GRAMD2B: variants seen among roughly 807,000 people sequenced by gnomAD.
GRAMD2B encodes the protein GRAM domain-containing protein 2B.
A neutral mutation model predicts 59.2 loss-of-function variants in GRAMD2B; 41 were observed. The ratio of observed to expected loss-of-function variants is 0.69; its 90% CI spans 0.54 to 0.90. GRAMD2B has a LOEUF of 0.90. Ranked by LOEUF, GRAMD2B falls within the 40% of genes least tolerant of loss-of-function variation. The pLI, the probability that GRAMD2B is intolerant of heterozygous loss-of-function variation, is 0.00. For synonymous variants in GRAMD2B, 161 were observed against 182.7 expected (o/e 0.88, Z 0.96); for missense variants, 424 against 500.5 (o/e 0.85, Z 1.46).
At chr5:126,464,845 T>C (rs529725823) in intron 1 of GRAMD2B, among the ~76,000 whole-genome samples, 1 of 152,266 alleles carries the variant, frequency 6.6e-6, no homozygotes, top group South Asian at 2.1e-4. Flanking sequence ...GTAAGATAGA[T>C]GCTAGCTCTC....
Position 126,494,218 on chromosome 5 carries a change from ACT to A in GRAMD2B, c.*1265_*1266del, listed in dbSNP as rs1774373987. On this transcript the variant is annotated 3_prime_UTR_variant, in exon 14 of 14. Coordinates refer to ENST00000285689, the MANE Select transcript of GRAMD2B (RefSeq NM_023927.4). ...AACCAAGACTTAACTATGCTTTTTA[ACT>A]CTTTTTCCACCTGCCATCTACTACT... The A allele has an allele frequency of 2.0e-5, 3 of 152,236 alleles. No homozygotes were observed. The highest frequency in any genetic ancestry group is 2.0e-4 in the Admixed American group (3 of 15,226). 9.4% of individuals were successfully genotyped at this position (152,236 alleles called of 1,614,324 possible).
intron 1 of GRAMD2B, among the ~76,000 whole-genome samples, chr5:126,460,429 G>A (rs1365323962): frequency 1.3e-5 from 2 of 152,204 alleles, no homozygotes; most frequent in East Asian, 1.9e-4. Flanking sequence ...TATCAGAATT[G>A]TAAATGGAAG....
intron 1 of GRAMD2B, among the ~76,000 whole-genome samples, chr5:126,376,340 T>G (rs996543916): frequency 2.0e-5 from 3 of 152,226 alleles, no homozygotes; most frequent in Non-Finnish European, 4.4e-5. Context: ...CACTCCAGGC[T>G]GCAGTCAACG....
chr5:126,419,346 G>A (rs957746778), upstream of GRAMD2B, among the ~76,000 whole-genome samples: 5 of 152,046 alleles, frequency 3.3e-5, no homozygotes, highest in African/African-American at 4.8e-5. Context: ...GAGAGAGAGC[G>A]AAAAGGGGGA....
chr5:126,459,888 A>AT lies in GRAMD2B; in HGVS notation c.84-5532dup, dbSNP rs200157356. Among the ~76,000 whole-genome samples, 921 of 152,326 alleles carry AT rather than the reference A, an allele frequency of 6.0e-3. 12 individuals carry two copies. Among genetic ancestry groups the AT allele is most frequent in the African/African-American group, 0.021 (868 of 41,558 alleles). On this transcript the variant is annotated intron_variant, in intron 1 of 13. Coordinates refer to ENST00000285689, the MANE Select transcript of GRAMD2B (RefSeq NM_023927.4). ...AGGGCAATTTGGCAATAGCTGTAAC[A>AT]TTTTTTCTATCATACCTTTTGACAC...
rs371887670 is a variant in GRAMD2B at position 126,484,362 on chromosome 5, T to C, written c.848-40T>C. On this transcript the variant is annotated intron_variant, in intron 9 of 13. Transcript: ENST00000285689. ...GAGATTAATCCTGTTTTTAAATACA[T>C]TGGAGAGAACACTTACCCAGCTCTG... The C allele has an allele frequency of 1.0e-5, 16 of 1,599,882 alleles. 1 individual carries two copies. In the African/African-American group the frequency reaches 1.2e-4, roughly 12 times the overall value.
At chr5:126,375,255 T>C (rs1469973896) in intron 1 of GRAMD2B, among the ~76,000 whole-genome samples, 2 of 152,254 alleles carry the variant, frequency 1.3e-5, no homozygotes, top group Non-Finnish European at 2.9e-5. Flanking sequence ...TTCAACATCC[T>C]TGCTAAACTT....
intron 1 of GRAMD2B, among the ~76,000 whole-genome samples, chr5:126,411,800 C>T (rs148745554): frequency 2.1e-4 from 31 of 149,974 alleles, no homozygotes; most frequent in African/African-American, 7.7e-4. Context: ...TTATAGTTCT[C>T]CTTGTAGAGA....
chr5:126,441,860 G>A (rs1763353424), intron 1 of GRAMD2B, among the ~76,000 whole-genome samples: 1 of 152,010 alleles, frequency 6.6e-6, no homozygotes. Flanking sequence ...GAACCTACCT[G>A]ATAATTGTGA....
chr5:126,404,364 G>T (rs1758088765), intron 1 of GRAMD2B, among the ~76,000 whole-genome samples: 1 of 151,818 alleles, frequency 6.6e-6, no homozygotes. Flanking sequence ...CACATATTAG[G>T]ATTACTTGTT....
At chr5:126,395,229 A>C (rs1279766532) in intron 1 of GRAMD2B, among the ~76,000 whole-genome samples, 1 of 152,260 alleles carries the variant, frequency 6.6e-6, no homozygotes, top group Non-Finnish European at 1.5e-5. Context: ...CTCAGAATTA[A>C]ATTAATACAC....
At chr5:126,363,909 T>C (rs1277691416) in intron 1 of GRAMD2B, among the ~76,000 whole-genome samples, 1 of 152,170 alleles carries the variant, frequency 6.6e-6, no homozygotes, top group Non-Finnish European at 1.5e-5. Flanking sequence ...GTGGTGATGG[T>C]TGCACAATTC....
At chr5:126,479,557 C>T (rs879513964) in intron 6 of GRAMD2B, among the ~76,000 whole-genome samples, 3 of 152,150 alleles carry the variant, frequency 2.0e-5, no homozygotes, top group Non-Finnish European at 2.9e-5. Context: ...TAATGGATAA[C>T]TGTTATTAAG....
chr5:126,423,868 T>C (rs1390808537), intron 1 of GRAMD2B, among the ~76,000 whole-genome samples, 179 bp downstream of exon 1: 1 of 152,172 alleles, frequency 6.6e-6, no homozygotes, highest in Non-Finnish European at 1.5e-5. Flanking sequence ...GTTAAGGAGA[T>C]GGTTTAGATT....
chr5:126,491,423 G>A (rs1333673791), intron 13 of GRAMD2B, among the ~76,000 whole-genome samples: 4 of 152,144 alleles, frequency 2.6e-5, no homozygotes, highest in Non-Finnish European at 1.5e-5. Context: ...TTGGAGTCAG[G>A]CCTTTGTTCT....
At chr5:126,363,307 C>CAAAAAA (rs979068029) in intron 1 of GRAMD2B, among the ~76,000 whole-genome samples, 1 of 144,684 alleles carries the variant, frequency 6.9e-6, no homozygotes, top group Non-Finnish European at 1.5e-5. Flanking sequence ...ATATCAAAAA[C>CAAAAAA]AAAAAAAAAA....
intron 1 of GRAMD2B, among the ~76,000 whole-genome samples, chr5:126,383,065 C>G (rs2149707046): frequency 6.6e-6 from 1 of 152,344 alleles, no homozygotes. Flanking sequence ...GTCTCTCAGC[C>G]ATGGATACCA....
chr5:126,423,567 G>C lies in GRAMD2B; in HGVS notation c.-40G>C, dbSNP rs949812930. On this transcript the variant is annotated 5_prime_UTR_variant, in exon 1 of 14. Transcript: ENST00000285689. ...CCGGGACGAGCCGGGGCAGAGCCAG[G>C]CGCGCGGAAGTCTGAAGGTGCCCTC... is the stretch of plus-strand genomic sequence containing the variant. The C allele has an allele frequency of 5.0e-6, 8 of 1,597,268 alleles. No homozygotes were observed. The African/African-American group carries it at 1.1e-4, about 21-fold the overall frequency.
Position 126,492,949 on chromosome 5 carries a change from GTGA to G in GRAMD2B, c.1293_1295del (p.Asp432del). 1 of 1,611,922 alleles carries G rather than the reference GTGA, an allele frequency of 6.2e-7. No individual in the cohort carries two copies. The highest frequency in any genetic ancestry group is 1.1e-5 in the South Asian group (1 of 91,012). The stretch of plus-strand genomic sequence containing the variant: ...AACTTACAGAAGTTGCTTGAGAATG[GTGA>G]CTGATCGACCAGATTGCTTGGGCCA... On this transcript the variant is annotated inframe_deletion, in exon 14 of 14. Coordinates refer to ENST00000285689, the MANE Select transcript of GRAMD2B (RefSeq NM_023927.4).
Sources: gnomAD v4.1 joint callset for allele counts (sites outside exome capture counted in the v4.1 genomes callset) on GRCh38, gnomAD v4.1.1 for gene constraint, MANE v1.5 for transcripts, NCBI Gene and HGNC (gene_info 2026-07-23, HGNC 2026-07-21) for gene names.